The following C10orf90 variants were observed in gnomAD, a reference collection of about 807,000 sequenced individuals.
C10orf90 encodes the protein chromosome 10 open reading frame 90, also known as (E2-independent) E3 ubiquitin-conjugating enzyme FATS.
A neutral mutation model predicts 62.5 loss-of-function variants in C10orf90; 56 were observed. That is an observed-to-expected ratio of 0.90 (90% CI 0.72 to 1.12). The LOEUF (loss-of-function observed/expected upper bound fraction) is 1.12, where lower values mean the gene tolerates loss of function less well. C10orf90 is among the 50% of genes most tolerant of loss of function. The probability of loss-of-function intolerance (pLI) is 0.00; values close to 1 mark genes in which losing one functional copy is unlikely to be tolerated. For synonymous variants in C10orf90, 386 were observed against 340.4 expected (o/e 1.13, Z -1.47); for missense variants, 970 against 880.4 (o/e 1.10, Z -1.29).
chr10:126,496,328 A>G (rs948352680), intron 4 of C10orf90, among the ~76,000 whole-genome samples: 1 of 152,246 alleles, frequency 6.6e-6, no homozygotes, highest in Admixed American at 6.5e-5. Context: ...AGCAACCTTT[A>G]GATACCATAT....
intron 2 of C10orf90, among the ~76,000 whole-genome samples, chr10:126,540,305 A>T (rs897392798): frequency 6.6e-6 from 1 of 152,240 alleles, no homozygotes; most frequent in Non-Finnish European, 1.5e-5. Flanking sequence ...ATGAAATTCC[A>T]GATTTAATCA....
At chr10:126,478,573 T>C (rs1006896642) in intron 4 of C10orf90, among the ~76,000 whole-genome samples, 2 of 152,222 alleles carry the variant, frequency 1.3e-5, no homozygotes, top group African/African-American at 4.8e-5. Context: ...GTTTGCTAAA[T>C]CTTTGACCCA....
rs551973906 is a variant in C10orf90, at chr10:126,477,076, A to ATTTTTTTTTTT, written c.1535-12101_1535-12091dup. On this transcript the variant is annotated intron_variant, in intron 4 of 9. Transcript: ENST00000488181. ...AGGTGCCCAACATCACGCCTGGCTA[A>ATTTTTTTTTTT]TTTTTTTTTTTTTTTTTTTTTTTTT... 6.6e-4 allele frequency among the ~76,000 whole-genome samples: 37 copies of ATTTTTTTTTTT among 56,484 alleles called. 5 individuals are homozygous for ATTTTTTTTTTT. The highest frequency in any genetic ancestry group is 9.4e-4 in the Non-Finnish European group (29 of 30,886). The allele number at this position is 56,484 out of a possible 152,430, so 37.1% of individuals were successfully genotyped here.
chr10:126,640,151 T>C (rs766178632), intron 2 of C10orf90, among the ~76,000 whole-genome samples: 12 of 152,332 alleles, frequency 7.9e-5, no homozygotes, highest in Non-Finnish European at 1.8e-4. Flanking sequence ...ATGCTGCCTT[T>C]TTCCACCACC....
chr10:126,490,017 A>G (rs1315402020), intron 4 of C10orf90, among the ~76,000 whole-genome samples: 4 of 55,992 alleles, frequency 7.1e-5, no homozygotes, highest in Non-Finnish European at 9.2e-5. Context: ...TATATATTAT[A>G]TATAATATAT....
chr10:126,643,106 T>C (rs1397447025), intron 2 of C10orf90, among the ~76,000 whole-genome samples: 1 of 152,254 alleles, frequency 6.6e-6, no homozygotes, highest in Admixed American at 6.5e-5. Context: ...GATAGTGTAT[T>C]CCAGCAACTT....
intron 2 of C10orf90, among the ~76,000 whole-genome samples, chr10:126,533,030 T>A (rs976373472): frequency 2.7e-5 from 4 of 150,658 alleles, no homozygotes; most frequent in Non-Finnish European, 4.4e-5. Flanking sequence ...CCTCCCGGGT[T>A]CACGTCATTC....
intron 2 of C10orf90, among the ~76,000 whole-genome samples, chr10:126,531,376 C>T (rs966968845): frequency 5.3e-5 from 8 of 152,096 alleles, no homozygotes; most frequent in African/African-American, 1.9e-4. Context: ...TGCTGCGAAA[C>T]CCCTGAGGAT....
At chr10:126,513,759 A>C in intron 3 of C10orf90, 89 bp downstream of exon 3, 1 of 766,798 alleles carries the variant, frequency 1.3e-6, no homozygotes, top group East Asian at 2.6e-5. Context: ...ATAAAATAAA[A>C]TGCAATCACA....
chr10:126,593,596 G>T (rs146452349), intron 2 of C10orf90, among the ~76,000 whole-genome samples: 16 of 152,186 alleles, frequency 1.1e-4, no homozygotes, highest in African/African-American at 3.6e-4. Flanking sequence ...AATGGATGCT[G>T]GGCTTAATAC....
At chr10:126,643,242 C>G (rs975387734) in intron 2 of C10orf90, among the ~76,000 whole-genome samples, 1 of 152,226 alleles carries the variant, frequency 6.6e-6, no homozygotes, top group African/African-American at 2.4e-5. Flanking sequence ...TGTGAGCACA[C>G]CATGGGCTGC....
intron 4 of C10orf90, chr10:126,470,192 T>C (rs986209359): frequency 5.1e-6 from 2 of 395,782 alleles, no homozygotes; most frequent in Admixed American, 2.7e-5. Context: ...TTTCTGCATG[T>C]TGCATGCTGC....
intron 2 of C10orf90, among the ~76,000 whole-genome samples, chr10:126,564,745 A>C: frequency 7.7e-6 from 1 of 130,386 alleles, no homozygotes. Flanking sequence ...ACTCATCCCC[A>C]CCCTCCTGAA....
intron 4 of C10orf90, among the ~76,000 whole-genome samples, chr10:126,485,217 A>C (rs1276242315): frequency 6.6e-6 from 1 of 152,224 alleles, no homozygotes; most frequent in Non-Finnish European, 1.5e-5. Flanking sequence ...AAAACTCAAC[A>C]GTCCACAATA....
At chr10:126,658,361 A>G (rs1011900480) in intron 1 of C10orf90, among the ~76,000 whole-genome samples, 1 of 152,222 alleles carries the variant, frequency 6.6e-6, no homozygotes, top group Non-Finnish European at 1.5e-5. Flanking sequence ...GTCTTTCCTC[A>G]CTCATCAGCA....
At chr10:126,533,566 G>T (rs938171659) in intron 2 of C10orf90, among the ~76,000 whole-genome samples, 1 of 152,172 alleles carries the variant, frequency 6.6e-6, no homozygotes, top group Non-Finnish European at 1.5e-5. Flanking sequence ...TGATTGGGTG[G>T]TCATTCCCCT....
rs1190738650 is a variant in C10orf90, at chr10:126,453,328, C to A, written c.2188+5712G>T. On this transcript the variant is annotated intron_variant, in intron 7 of 9. Transcript: ENST00000488181. The surrounding 1 kb of genome is among the most constrained non-coding windows in gnomAD (Gnocchi z 4.9). ...TTACAATCTAGAAGGTTTTCCAACA[C>A]AACCACACAACCTTAAGCCAAAGTG... Among the ~76,000 whole-genome samples the A allele has an allele frequency of 6.6e-6, 1 of 152,154 alleles. No homozygotes were observed. Among genetic ancestry groups the A allele is most frequent in the Non-Finnish European group, 1.5e-5 (1 of 68,030 alleles).
At chr10:126,663,565 A>G (rs1846562246) in intron 1 of C10orf90, among the ~76,000 whole-genome samples, 1 of 152,008 alleles carries the variant, frequency 6.6e-6, no homozygotes, top group East Asian at 1.9e-4. Flanking sequence ...CTTTTGTTCC[A>G]TCTCCGTCTC....
At chr10:126,562,332 G>A (rs2133989284) in intron 2 of C10orf90, among the ~76,000 whole-genome samples, 1 of 152,174 alleles carries the variant, frequency 6.6e-6, no homozygotes, top group South Asian at 2.1e-4. Context: ...CCAAAGGCTG[G>A]GCCTCTCCCT....
Sources: gnomAD v4.1 joint callset for allele counts (sites outside exome capture counted in the v4.1 genomes callset) on GRCh38, gnomAD v4.1.1 for gene constraint, Gnocchi (gnomAD v3.1) non-coding constraint, MANE v1.5 for transcripts, NCBI Gene and HGNC (gene_info 2026-07-23, HGNC 2026-07-21) for gene names.